MAK: variants seen among roughly 807,000 people sequenced by gnomAD.
MAK encodes the protein serine/threonine-protein kinase MAK.
Under a neutral mutation model 82.6 loss-of-function variants are expected in MAK, and 65 were observed. That is an observed-to-expected ratio of 0.79 (90% CI 0.64 to 0.97). The LOEUF (loss-of-function observed/expected upper bound fraction) is 0.97. Ranked by LOEUF, MAK falls within the 50% of genes least tolerant of loss-of-function variation. MAK has a pLI of 0.00. For synonymous variants in MAK, 250 were observed against 274.2 expected (o/e 0.91, Z 0.87); for missense variants, 703 against 780.2 (o/e 0.90, Z 1.18).
intron 14 of MAK, 32 bp downstream of exon 14, chr6:10,770,079 A>G (rs1772857904): frequency 6.2e-7 from 1 of 1,614,140 alleles, no homozygotes; most frequent in East Asian, 2.2e-5. Flanking sequence ...TCTGCTAGGA[A>G]TCTAGAAAAC....
chr6:10,791,052 A>G (rs116180971), intron 10 of MAK, among the ~76,000 whole-genome samples: 5,540 of 152,198 alleles, frequency 0.036, 156 homozygotes, highest in African/African-American at 0.073. Flanking sequence ...TGCTGGCACT[A>G]TGCTTCCTGT....
At chr6:10,803,544 C>CAAA (rs34500831) in intron 7 of MAK, among the ~76,000 whole-genome samples, 176 bp downstream of exon 7, 1 of 135,522 alleles carries the variant, frequency 7.4e-6, no homozygotes, top group Non-Finnish European at 1.6e-5. Context: ...GACTCCATCT[C>CAAA]AAAAAAAAAA....
At chr6:10,804,743 CTTT>C (rs1209190433) in intron 6 of MAK, among the ~76,000 whole-genome samples, 3 of 152,162 alleles carry the variant, frequency 2.0e-5, no homozygotes, top group Non-Finnish European at 4.4e-5. Context: ...TCTCAATTCT[CTTT>C]TTTTCCAACC....
chr6:10,776,263 T>G lies in MAK; in HGVS notation c.1466-804A>C, dbSNP rs1365851410. ...GAGATACAGTAAAATGGAAACAGTT[T>G]ATCCCCTGTGCGCCAGAAAGAAGTC... is the stretch of plus-strand genomic sequence containing the variant. On this transcript the variant is annotated intron_variant, in intron 11 of 14. Transcript: ENST00000354489. The surrounding 1 kb of genome is among the most constrained non-coding windows in gnomAD (Gnocchi z 4.3). Among the ~76,000 whole-genome samples, 1 of 152,186 alleles carries G rather than the reference T, an allele frequency of 6.6e-6. No homozygotes were observed. Among genetic ancestry groups the G allele is most frequent in the East Asian group, 1.9e-4 (1 of 5,196 alleles).
chr6:10,813,124 ATATATATATAAATTTT>A (rs1561987458), intron 5 of MAK, among the ~76,000 whole-genome samples: 10 of 814 alleles, frequency 0.012, no homozygotes, highest in Non-Finnish European at 0.011. Context: ...ATATATATAT[ATATATATATAAATTTT>A]TTTTTTTTTT....
intron 2 of MAK, among the ~76,000 whole-genome samples, chr6:10,830,248 T>C (rs1264385774): frequency 6.8e-6 from 1 of 147,824 alleles, no homozygotes; most frequent in African/African-American, 2.5e-5. Context: ...TCACTGCAAC[T>C]TCCACCTCCT....
chr6:10,789,195 T>C (rs1774862502), intron 10 of MAK, among the ~76,000 whole-genome samples: 1 of 151,390 alleles, frequency 6.6e-6, no homozygotes, highest in Non-Finnish European at 1.5e-5. Context: ...TCCAAGCATA[T>C]GCACTCCTTA....
chr6:10,834,277 AGGCCATCATGTTCCT>A, intron 1 of MAK, among the ~76,000 whole-genome samples: 2 of 152,256 alleles, frequency 1.3e-5, no homozygotes, highest in African/African-American at 4.8e-5. Flanking sequence ...TTTGCACAAA[AGGCCATCATGTTCCT>A]TATGACAGTA....
intron 11 of MAK, among the ~76,000 whole-genome samples, chr6:10,775,790 T>G: frequency 6.6e-6 from 1 of 152,064 alleles, no homozygotes; most frequent in East Asian, 1.9e-4. Flanking sequence ...TTTTTTTGTT[T>G]TGTTTTGTTT....
rs1774776853 is a variant in MAK at position 10,788,382 on chromosome 6, TATAA to T, written c.1316+3289_1316+3292del. Among the ~76,000 whole-genome samples the T allele has an allele frequency of 2.6e-5, 4 of 152,150 alleles. No homozygotes were observed. The South Asian group carries it at 8.3e-4, about 31-fold the overall frequency. On this transcript the variant is annotated intron_variant, in intron 10 of 14. Transcript: ENST00000354489. The stretch of plus-strand genomic sequence containing the variant: ...AATTTATGAATAAATTATGAATAAT[TATAA>T]ATAATTATGAATAAAATTTAGCTGA...
chr6:10,775,686 A>G (rs1773402134), intron 11 of MAK, among the ~76,000 whole-genome samples: 1 of 152,172 alleles, frequency 6.6e-6, no homozygotes, highest in African/African-American at 2.4e-5. Flanking sequence ...GGCAGAAGAT[A>G]TTTTCTACAA....
intron 6 of MAK, among the ~76,000 whole-genome samples, chr6:10,805,155 G>A (rs1776327490): frequency 6.6e-6 from 1 of 152,158 alleles, no homozygotes; most frequent in Non-Finnish European, 1.5e-5. Flanking sequence ...CAGCTTCCAG[G>A]ACACGCTGTT....
chr6:10,768,388 A>G (rs1375218848), intron 14 of MAK, among the ~76,000 whole-genome samples: 1 of 152,028 alleles, frequency 6.6e-6, no homozygotes, highest in African/African-American at 2.4e-5. Flanking sequence ...GACCAGCCTG[A>G]CCAACACAGT....
chr6:10,818,829 A>G, intron 3 of MAK, 57 bp downstream of exon 3: 5 of 897,362 alleles, frequency 5.6e-6, no homozygotes, highest in Non-Finnish European at 7.5e-6. Context: ...CATCTTAACT[A>G]CGGTCCTCAG....
At chr6:10,772,534 C>A (rs969670922) in intron 13 of MAK, among the ~76,000 whole-genome samples, 1 of 151,244 alleles carries the variant, frequency 6.6e-6, no homozygotes, top group Non-Finnish European at 1.5e-5. Flanking sequence ...AGTAGAGACA[C>A]GGGTTTCATC....
chr6:10,837,883 G>C (rs1033287470), intron 1 of MAK: 1 of 152,208 alleles, frequency 6.6e-6, no homozygotes, highest in Non-Finnish European at 1.5e-5. Flanking sequence ...TGGAAGGAGG[G>C]GGCGTCCCCG....
chr6:10,830,484 G>T, intron 2 of MAK, 64 bp downstream of exon 2: 1 of 1,341,624 alleles, frequency 7.5e-7, no homozygotes, highest in Non-Finnish European at 1.1e-6. Context: ...ATATTCTTAA[G>T]CGAGGACAGG....
Position 10,801,970 on chromosome 6 carries a change from G to A in MAK, c.753C>T (p.Pro251=). ...CVPINLKTLI[P]NASNEAIQLM... is the part of the protein sequence containing the mutation. ...GCTGAATAGCTTCATTACTGGCATT[G>A]GGAATAAGAGTTTTTAAGTTTATAG... The change falls in exon 8 of 15, where the codon CCC becomes CCT. Residue 251 remains proline (P), a synonymous_variant. Transcript: ENST00000354489. The A allele has an allele frequency of 1.2e-6, 2 of 1,614,032 alleles. No homozygotes were observed. Among genetic ancestry groups the A allele is most frequent in the Non-Finnish European group, 1.7e-6 (2 of 1,179,952 alleles).
intron 8 of MAK, among the ~76,000 whole-genome samples, chr6:10,797,082 G>A (rs566611686): frequency 2.6e-5 from 4 of 151,892 alleles, no homozygotes; most frequent in East Asian, 1.9e-4. Flanking sequence ...GTAAAATTCC[G>A]GGTTACTCTC....
Sources: allele counts gnomAD v4.1 joint callset (sites outside exome capture counted in the v4.1 genomes callset), GRCh38; gene constraint gnomAD v4.1.1; non-coding constraint Gnocchi (gnomAD v3.1); transcripts MANE v1.5; gene names NCBI Gene and HGNC (gene_info 2026-07-23, HGNC 2026-07-21).